SEC24B: variants seen among roughly 807,000 people sequenced by gnomAD.
The protein encoded by SEC24B is protein transport protein Sec24B.
Under a neutral mutation model 142.8 loss-of-function variants are expected in SEC24B, and 45 were observed. The observed-to-expected ratio is 0.32, with a 90% CI of 0.25 to 0.40. The LOEUF (loss-of-function observed/expected upper bound fraction) is 0.40. Among genes scored for constraint, SEC24B ranks in the 10% least tolerant of loss-of-function variants. The pLI is 1.00. For synonymous variants in SEC24B, 574 were observed against 568.2 expected (o/e 1.01, Z -0.15); for missense variants, 1,409 against 1,526.8 (o/e 0.92, Z 1.29).
In SEC24B at chr4:109,516,509, T is replaced by C; in HGVS notation, c.2014-19T>C. 1 of 1,486,810 alleles carries C rather than the reference T, an allele frequency of 6.7e-7. No individual in the cohort carries two copies. Among genetic ancestry groups the C allele is most frequent in the Non-Finnish European group, 9.3e-7 (1 of 1,079,412 alleles). The allele number at this position is 1,486,810 out of a possible 1,614,324, so 92.1% of individuals were successfully genotyped here. A position where few individuals can be genotyped will look rare whatever the true frequency, so the allele number is the denominator to read the frequency against. ...AATTGTACCTACCAAATAACTTACT[T>C]TATTTTTATTCCTTTCAGCTGCGTC... On this transcript the variant is annotated intron_variant, in intron 10 of 23. Transcript: ENST00000265175.
chr4:109,540,362 C>G lies in SEC24B; in HGVS notation c.*687C>G, dbSNP rs1019377712. ...GACTAATGCATATTATGAATTGAGTCCACAAAGGAACACAAAACTCTTTGT... is the reference window on the plus strand; with the variant it reads ...GACTAATGCATATTATGAATTGAGTGCACAAAGGAACACAAAACTCTTTGT... On this transcript the variant is annotated 3_prime_UTR_variant, in exon 24 of 24. Transcript: ENST00000265175. 6.6e-6 allele frequency: 1 copy of G among 152,596 alleles called. No individual in the cohort carries two copies. The highest frequency in any genetic ancestry group is 2.4e-5 in the African/African-American group (1 of 41,444). The allele number at this position is 152,596 out of a possible 1,614,324, so 9.5% of individuals were successfully genotyped here.
chr4:109,539,272 ATT>A (rs368386488), intron 23 of SEC24B, among the ~76,000 whole-genome samples: 6 of 143,494 alleles, frequency 4.2e-5, no homozygotes, highest in Admixed American at 7.0e-5. Context: ...AATTTTAAAA[ATT>A]TTTTTTTTTT....
chr4:109,440,235 CT>C (rs1728816594), intron 1 of SEC24B, among the ~76,000 whole-genome samples: 1 of 151,902 alleles, frequency 6.6e-6, no homozygotes, highest in Non-Finnish European at 1.5e-5. Flanking sequence ...TTTGCAGTGT[CT>C]TTTCACTCCC....
chr4:109,525,032 T>G, intron 15 of SEC24B, 91 bp downstream of exon 15: 5 of 1,237,248 alleles, frequency 4.0e-6, no homozygotes, highest in Non-Finnish European at 5.6e-6. Flanking sequence ...TCTCTATATT[T>G]TAGGGAGAAA....
chr4:109,443,970 C>G, intron 1 of SEC24B, among the ~76,000 whole-genome samples: 1 of 151,992 alleles, frequency 6.6e-6, no homozygotes. Context: ...TGCCTGTAAT[C>G]CCAGCACTTT....
chr4:109,521,621 A>G lies in SEC24B; in HGVS notation c.2503A>G (p.Thr835Ala), dbSNP rs1284264131. 1.2e-6 allele frequency: 2 copies of G among 1,607,012 alleles called. No homozygotes were observed. Among genetic ancestry groups the G allele is most frequent in the East Asian group, 2.2e-5 (1 of 44,770 alleles). ...SREDPNQRSS[T>A]KVVQHLGPAT... ...AGAAGATCCTAATCAGAGATCAAGT[A>G]CAAAGGTATTTTATGTTTAGTTTTT... The change falls in exon 14 of 24, where the codon ACA becomes GCA. Residue 835 changes from threonine to alanine, a missense_variant. By Grantham distance (58) the Thr-to-Ala change is moderately conservative. This residue lies in a region of SEC24B where 700 missense variants were observed against 853.3 expected (regional missense o/e 0.82). Coordinates refer to ENST00000265175, the MANE Select transcript of SEC24B (RefSeq NM_006323.5).
intron 1 of SEC24B, among the ~76,000 whole-genome samples, chr4:109,461,402 GT>G (rs1259872299): frequency 2.6e-5 from 4 of 152,162 alleles, no homozygotes; most frequent in Non-Finnish European, 5.9e-5. Context: ...CATCATAAAA[GT>G]TGACCTCATA....
At chr4:109,497,741 G>A (rs1328414078) in intron 6 of SEC24B, among the ~76,000 whole-genome samples, 1 of 152,158 alleles carries the variant, frequency 6.6e-6, no homozygotes, top group Non-Finnish European at 1.5e-5. Context: ...TAACTTTCCA[G>A]TGTGGGGCCA....
intron 1 of SEC24B, among the ~76,000 whole-genome samples, chr4:109,456,455 C>T (rs1390947536): frequency 6.7e-6 from 1 of 149,364 alleles, no homozygotes; most frequent in African/African-American, 2.5e-5. Context: ...GAGAGGACAT[C>T]TTGCCTTCCA....
chr4:109,434,486 C>A (rs944735807), intron 1 of SEC24B, among the ~76,000 whole-genome samples: 9 of 152,218 alleles, frequency 5.9e-5, no homozygotes, highest in Non-Finnish European at 7.3e-5. Flanking sequence ...TTGTGCCCTT[C>A]CTGTCTCAGG....
intron 8 of SEC24B, among the ~76,000 whole-genome samples, chr4:109,511,707 C>T (rs2126048774): frequency 6.6e-6 from 1 of 152,244 alleles, no homozygotes; most frequent in East Asian, 1.9e-4. Context: ...GATAAGATCT[C>T]ACTTACATTA....
intron 1 of SEC24B, among the ~76,000 whole-genome samples, chr4:109,449,141 A>G (rs1282448091): frequency 6.6e-6 from 1 of 152,156 alleles, no homozygotes; most frequent in Non-Finnish European, 1.5e-5. Flanking sequence ...ATTACTGATC[A>G]TGTTAACCTT....
At chr4:109,486,498 G>A (rs980666398) in intron 4 of SEC24B, among the ~76,000 whole-genome samples, 1 of 152,064 alleles carries the variant, frequency 6.6e-6, no homozygotes, top group African/African-American at 2.4e-5. Context: ...TGTTCTCCTC[G>A]TTACTTCTTT....
chr4:109,509,923 C>T, intron 7 of SEC24B, 86 bp from the exon 8 acceptor site: 1 of 754,616 alleles, frequency 1.3e-6, no homozygotes, highest in Non-Finnish European at 2.1e-6. Flanking sequence ...TCACTTATGT[C>T]CTTAAATGTT....
intron 4 of SEC24B, among the ~76,000 whole-genome samples, chr4:109,487,360 A>G (rs935598808): frequency 6.6e-6 from 1 of 152,146 alleles, no homozygotes; most frequent in African/African-American, 2.4e-5. Flanking sequence ...ACAGAAGAAA[A>G]AAATGTAGTA....
intron 6 of SEC24B, among the ~76,000 whole-genome samples, chr4:109,495,230 GAA>G (rs757926445): frequency 6.6e-6 from 1 of 152,078 alleles, no homozygotes; most frequent in Non-Finnish European, 1.5e-5. Flanking sequence ...ATTCTCCTTA[GAA>G]AATGACAGGT....
rs771975559 is a variant in SEC24B, at chr4:109,520,441, A to C, written c.2202A>C (p.Glu734Asp). 1 of 1,611,578 alleles carries C rather than the reference A, an allele frequency of 6.2e-7. No homozygotes were observed. The highest frequency in any genetic ancestry group is 8.5e-7 in the Non-Finnish European group (1 of 1,177,896). The change falls in exon 12 of 24, where the codon GAA becomes GAC. Residue 734 changes from glutamate (E) to aspartate (D), a missense_variant. Coordinates refer to ENST00000265175, the MANE Select transcript of SEC24B (RefSeq NM_006323.5). ...DSTIHFYNLQ[E>D]GLSQPQMLIV... ...CTATTCATTTCTACAATTTACAAGA[A>C]GGATTATCACAGCCTCAAATGTTGA...
At position 109,509,506 on chromosome 4, in the gene SEC24B, TC is replaced by T. The variant is rs1308428881; in HGVS notation, c.1674-502del. Among the ~76,000 whole-genome samples the T allele has an allele frequency of 3.9e-5, 6 of 151,902 alleles. 1 individual carries two copies. The highest frequency in any genetic ancestry group is 1.5e-5 in the Non-Finnish European group (1 of 67,930). On this transcript the variant is annotated intron_variant, in intron 7 of 23. Transcript: ENST00000265175. ...TCCTGGCTAACATGGTGAAACCCCG[TC>T]TCTACTAAAAATACAAAAAATTAGC...
rs1244997613 is a variant in SEC24B at position 109,491,420 on chromosome 4, G to T, written c.1246+13G>T. ...GGCAGTTACCCAGGTAATTTGTTTT[G>T]TGCTTGCTTGATCTTCATTTTGAAA... On this transcript the variant is annotated intron_variant, in intron 5 of 23. Coordinates refer to ENST00000265175, the MANE Select transcript of SEC24B (RefSeq NM_006323.5). The T allele has an allele frequency of 6.3e-7, 1 of 1,597,580 alleles. No homozygotes were observed. The highest frequency in any genetic ancestry group is 2.2e-5 in the East Asian group (1 of 44,742).
Sources: allele counts gnomAD v4.1 joint callset (sites outside exome capture counted in the v4.1 genomes callset), GRCh38; gene constraint gnomAD v4.1.1; regional missense constraint gnomAD v4.1.1; transcripts MANE v1.5; gene names NCBI Gene and HGNC (gene_info 2026-07-23, HGNC 2026-07-21).